Variants in LMX1B observed in about 807,000 individuals in gnomAD.
LMX1B encodes the protein LIM homeobox transcription factor 1 beta.
LMX1B carries 12 observed loss-of-function variants against 51.4 expected under a neutral mutation model. The ratio of observed to expected loss-of-function variants is 0.23; its 90% CI spans 0.15 to 0.38. LMX1B has a LOEUF of 0.38. LMX1B is among the 10% of genes least tolerant of loss of function. The pLI, the probability that LMX1B is intolerant of heterozygous loss-of-function variation, is 1.00. For synonymous variants in LMX1B, 237 were observed against 235.4 expected, an observed-to-expected ratio of 1.01 and a Z score of -0.06; for missense variants, 445 against 571.1, an observed-to-expected ratio of 0.78 and a Z score of 2.25.
intron 2 of LMX1B, among the ~76,000 whole-genome samples, chr9:126,636,516 G>A (rs1051471798): frequency 1.3e-5 from 2 of 152,106 alleles, no homozygotes; most frequent in South Asian, 2.1e-4. Flanking sequence ...TAAGCAGGGG[G>A]GTGTCATGTC....
intron 2 of LMX1B, among the ~76,000 whole-genome samples, chr9:126,659,969 T>C (rs560511722): frequency 6.6e-6 from 1 of 151,082 alleles, no homozygotes; most frequent in Non-Finnish European, 1.5e-5. Flanking sequence ...GTGTCTACAC[T>C]GGCTTCAAAG....
rs886063419 is a variant in LMX1B at position 126,696,289 on chromosome 9, C to T, written c.1052-5C>T. 6 of 1,614,022 alleles carry T rather than the reference C, an allele frequency of 3.7e-6. No homozygotes were observed. Among genetic ancestry groups the T allele is most frequent in the South Asian group, 2.2e-5 (2 of 91,086 alleles). ...CCCGGTCCTGACACCCCTTCTGCCC[C>T]CCAGGGAACGACTCCATCTTCCATG... On this transcript the variant is annotated splice_region_variant and splice_polypyrimidine_tract_variant and intron_variant, in intron 7 of 7. Coordinates refer to ENST00000373474, the MANE Select transcript of LMX1B (RefSeq NM_001174147.2).
At chr9:126,666,048 C>T (rs550613534) in intron 2 of LMX1B, among the ~76,000 whole-genome samples, 34 of 152,378 alleles carry the variant, frequency 2.2e-4, no homozygotes, top group African/African-American at 7.9e-4. Context: ...AGGCGGTCTG[C>T]CCTGCGCCTC....
Position 126,625,895 on chromosome 9 carries a change from C to T in LMX1B, c.326+10326C>T, listed in dbSNP as rs1032829113. On this transcript the variant is annotated intron_variant, in intron 2 of 7. Coordinates refer to ENST00000373474, the MANE Select transcript of LMX1B (RefSeq NM_001174147.2). This position sits in a 1 kb window ranked among gnomAD's most constrained non-coding sequence, Gnocchi z 5.3. ...GCCGAGGCTTGGGCTTTAGCCGTGG[C>T]GCTCGCCTCGGCGCAGTGGGGAGCC... 5.1e-4 allele frequency among the ~76,000 whole-genome samples: 77 copies of T among 152,318 alleles called. No homozygotes were observed. Among genetic ancestry groups the T allele is most frequent in the African/African-American group, 1.8e-3 (76 of 41,574 alleles).
At chr9:126,661,602 C>T (rs1836247609) in intron 2 of LMX1B, among the ~76,000 whole-genome samples, 1 of 152,206 alleles carries the variant, frequency 6.6e-6, no homozygotes. Context: ...CCTGCCCCAA[C>T]TGCCCCAGCT....
intron 2 of LMX1B, among the ~76,000 whole-genome samples, chr9:126,689,023 A>G (rs763782852): frequency 6.6e-6 from 1 of 152,204 alleles, no homozygotes. Context: ...AGGGCTTGAC[A>G]TCTCCATTTT....
At position 126,683,835 on chromosome 9, in the gene LMX1B, G is replaced by A. The variant is rs144229999; in HGVS notation, c.327-7001G>A. On this transcript the variant is annotated intron_variant, in intron 2 of 7. Transcript: ENST00000373474. ...TTGTCCCAAGTCAGGCAGCTAGGAA[G>A]TGGCAGAGCCGGGATTTAAATCCAT... Among the ~76,000 whole-genome samples, 401 of 152,346 alleles carry A rather than the reference G, an allele frequency of 2.6e-3. 3 individuals are homozygous for A. The highest frequency in any genetic ancestry group is 9.2e-3 in the African/African-American group (381 of 41,580).
At chr9:126,684,795 TG>T (rs1461558500) in intron 2 of LMX1B, among the ~76,000 whole-genome samples, 162 of 152,048 alleles carry the variant, frequency 1.1e-3, no homozygotes, top group Non-Finnish European at 1.0e-4. Flanking sequence ...GCTTTTGGGG[TG>T]GGGGACTCCC....
At chr9:126,663,243 A>G (rs1048684787) in intron 2 of LMX1B, among the ~76,000 whole-genome samples, 1 of 151,994 alleles carries the variant, frequency 6.6e-6, no homozygotes. Context: ...CCTGACCAAC[A>G]TGGTGAAACC....
At chr9:126,679,194 A>T (rs1231450953) in intron 2 of LMX1B, among the ~76,000 whole-genome samples, 1 of 152,212 alleles carries the variant, frequency 6.6e-6, no homozygotes, top group African/African-American at 2.4e-5. Context: ...TAGACAAATC[A>T]TATAGTGAAA....
intron 2 of LMX1B, among the ~76,000 whole-genome samples, chr9:126,684,951 G>A (rs1363837725): frequency 6.6e-6 from 1 of 152,210 alleles, no homozygotes; most frequent in Admixed American, 6.5e-5. Context: ...CCTAGGAGCA[G>A]AATACCTGGT....
intron 2 of LMX1B, among the ~76,000 whole-genome samples, chr9:126,644,130 C>T (rs1391382289): frequency 1.3e-5 from 2 of 152,184 alleles, no homozygotes; most frequent in Non-Finnish European, 2.9e-5. Context: ...GGTAACGGGG[C>T]TGGTGGGCCC....
At chr9:126,683,254 G>A (rs938908989) in intron 2 of LMX1B, among the ~76,000 whole-genome samples, 11 of 151,248 alleles carry the variant, frequency 7.3e-5, no homozygotes, top group Non-Finnish European at 1.6e-4. Context: ...CATTCCAGCC[G>A]CGTGATTGAC....
At chr9:126,688,919 G>A (rs1029415796) in intron 2 of LMX1B, among the ~76,000 whole-genome samples, 1 of 152,198 alleles carries the variant, frequency 6.6e-6, no homozygotes, top group Admixed American at 6.5e-5. Context: ...GTAGAGTTGG[G>A]CACCAACAGG....
At chr9:126,638,999 G>A (rs970330457) in intron 2 of LMX1B, among the ~76,000 whole-genome samples, 3 of 151,798 alleles carry the variant, frequency 2.0e-5, no homozygotes, top group Non-Finnish European at 2.9e-5. Flanking sequence ...GAATAATTGG[G>A]AAGGAGAATT....
intron 2 of LMX1B, among the ~76,000 whole-genome samples, chr9:126,669,558 T>C (rs1379327964): frequency 6.6e-6 from 1 of 152,166 alleles, no homozygotes; most frequent in Non-Finnish European, 1.5e-5. Context: ...TGACGCGTCT[T>C]GTTTGTCCAG....
chr9:126,684,169 G>T (rs1271406805), intron 2 of LMX1B, among the ~76,000 whole-genome samples: 1 of 152,194 alleles, frequency 6.6e-6, no homozygotes, highest in Non-Finnish European at 1.5e-5. Context: ...GTTTCCAGCA[G>T]TGGTTGCTGC....
chr9:126,668,046 A>G (rs900599728), intron 2 of LMX1B, among the ~76,000 whole-genome samples: 2 of 152,148 alleles, frequency 1.3e-5, no homozygotes, highest in Non-Finnish European at 2.9e-5. Flanking sequence ...AGGGCTGGCC[A>G]GGGAAGGTGA....
chr9:126,631,681 C>G (rs1033106180), intron 2 of LMX1B, among the ~76,000 whole-genome samples: 1 of 152,174 alleles, frequency 6.6e-6, no homozygotes, highest in African/African-American at 2.4e-5. Flanking sequence ...AGAACTGATT[C>G]CTTGAGAGGC....
Sources: allele counts gnomAD v4.1 joint callset (sites outside exome capture counted in the v4.1 genomes callset), GRCh38; gene constraint gnomAD v4.1.1; non-coding constraint Gnocchi (gnomAD v3.1); transcripts MANE v1.5; gene names NCBI Gene and HGNC (gene_info 2026-07-23, HGNC 2026-07-21).